ZC3H13: variants seen among roughly 807,000 people sequenced by gnomAD.
ZC3H13 encodes the protein zinc finger CCCH domain-containing protein 13.
A neutral mutation model predicts 204.1 loss-of-function variants in ZC3H13; 64 were observed. The ratio of observed to expected loss-of-function variants is 0.31; its 90% CI spans 0.26 to 0.39. ZC3H13 has a LOEUF of 0.39. ZC3H13 is among the 10% of genes least tolerant of loss of function. The pLI is 1.00. For missense variants in ZC3H13, 1,833 were observed against 2,082.7 expected, an observed-to-expected ratio of 0.88 and a Z score of 2.33; for synonymous variants, 667 against 693.7, an observed-to-expected ratio of 0.96 and a Z score of 0.60.
intron 4 of ZC3H13, among the ~76,000 whole-genome samples, chr13:46,023,531 T>C (rs539853308): frequency 5.3e-4 from 81 of 152,124 alleles, no homozygotes; most frequent in Non-Finnish European, 1.1e-3. Flanking sequence ...TACCCCAAAT[T>C]AATCTAGTCT....
At chr13:45,978,565 T>C (rs1021148949) in intron 11 of ZC3H13, among the ~76,000 whole-genome samples, 2 of 151,968 alleles carry the variant, frequency 1.3e-5, no homozygotes, top group Non-Finnish European at 2.9e-5. Flanking sequence ...CTTACAAGGA[T>C]ATTGTAAAGA....
intron 4 of ZC3H13, among the ~76,000 whole-genome samples, chr13:46,028,258 G>A (rs889304764): frequency 6.6e-6 from 1 of 152,058 alleles, no homozygotes; most frequent in Non-Finnish European, 1.5e-5. Flanking sequence ...TGATACAGAC[G>A]TCCAGTCTGC....
intron 11 of ZC3H13, among the ~76,000 whole-genome samples, chr13:45,976,809 G>T (rs1307136760): frequency 1.3e-5 from 2 of 152,042 alleles, no homozygotes; most frequent in Non-Finnish European, 2.9e-5. Context: ...TATATCTACT[G>T]GTTTTTGATA....
In ZC3H13 at chr13:46,010,509, T is replaced by TA. The variant is rs1296130161; in HGVS notation, c.589-5dup. ...ATCTAACCACTTCTGGTGAAACCTT[T>TA]AAAAAAATTCAGTAAGTCAATTCAG... On this transcript the variant is annotated splice_polypyrimidine_tract_variant and splice_region_variant and intron_variant, in intron 6 of 18. Coordinates refer to ENST00000679008, the MANE Select transcript of ZC3H13 (RefSeq NM_001330564.2). The TA allele has an allele frequency of 2.5e-6, 4 of 1,603,848 alleles. No individual in the cohort carries two copies. The highest frequency in any genetic ancestry group is 2.2e-5 in the South Asian group (2 of 90,702).
In ZC3H13 at chr13:46,019,053, A is replaced by G. The variant is rs553419011; in HGVS notation, c.448+1396T>C. ...TATTAGGTTGGATTATGAAATCCTG[A>G]GTAACCATAAACAAGTTTCCTATTT... On this transcript the variant is annotated intron_variant, in intron 5 of 18. Coordinates refer to ENST00000679008, the MANE Select transcript of ZC3H13 (RefSeq NM_001330564.2). Among the ~76,000 whole-genome samples the G allele has an allele frequency of 2.2e-4, 33 of 152,260 alleles. 1 individual carries two copies. The highest frequency in any genetic ancestry group is 6.7e-4 in the African/African-American group (28 of 41,556).
chr13:45,979,480 G>C (rs1355105696), intron 11 of ZC3H13, among the ~76,000 whole-genome samples: 1 of 151,934 alleles, frequency 6.6e-6, no homozygotes, highest in African/African-American at 2.4e-5. Context: ...TAAAGGTTTA[G>C]GTATTTCTTG....
At chr13:45,982,119 T>TC (rs1424769797) in intron 10 of ZC3H13, among the ~76,000 whole-genome samples, 2 of 150,806 alleles carry the variant, frequency 1.3e-5, no homozygotes, top group Non-Finnish European at 3.0e-5. Flanking sequence ...AAAAGGCACT[T>TC]CCCCAAGATT....
At chr13:45,973,421 A>G (rs1209747410) in intron 12 of ZC3H13, among the ~76,000 whole-genome samples, 1 of 152,176 alleles carries the variant, frequency 6.6e-6, no homozygotes, top group African/African-American at 2.4e-5. Context: ...CAACTCTTAG[A>G]TTGTCTAACC....
At chr13:45,996,093 T>C (rs1307261445) in intron 8 of ZC3H13, among the ~76,000 whole-genome samples, 5 of 152,220 alleles carry the variant, frequency 3.3e-5, no homozygotes, top group Non-Finnish European at 5.9e-5. Context: ...CTGATTATTA[T>C]CCAAGAAGAT....
At chr13:46,031,726 G>T (rs1027614513) in intron 4 of ZC3H13, among the ~76,000 whole-genome samples, 3 of 152,158 alleles carry the variant, frequency 2.0e-5, no homozygotes, top group African/African-American at 7.2e-5. Context: ...ACCACAAAGA[G>T]ATACCACTAC....
chr13:46,004,531 C>T (rs970110226), intron 7 of ZC3H13, among the ~76,000 whole-genome samples: 1 of 152,084 alleles, frequency 6.6e-6, no homozygotes, highest in Non-Finnish European at 1.5e-5. Flanking sequence ...CAGAGTAAGA[C>T]TCTAACTCAA....
At chr13:45,991,419 T>G (rs1314548441) in intron 8 of ZC3H13, among the ~76,000 whole-genome samples, 1 of 152,192 alleles carries the variant, frequency 6.6e-6, no homozygotes, top group African/African-American at 2.4e-5. Flanking sequence ...GCTTCAACTT[T>G]TTAATCATAT....
intron 15 of ZC3H13, among the ~76,000 whole-genome samples, chr13:45,966,739 G>A (rs1198859026): frequency 6.6e-6 from 1 of 152,194 alleles, no homozygotes; most frequent in African/African-American, 2.4e-5. Flanking sequence ...GTGAAGAGAT[G>A]AATTTGAAAC....
intron 4 of ZC3H13, among the ~76,000 whole-genome samples, chr13:46,022,493 C>T (rs1009790207): frequency 6.6e-6 from 1 of 151,858 alleles, no homozygotes; most frequent in African/African-American, 2.4e-5. Flanking sequence ...TGGTATTACT[C>T]GTCCAATGTA....
At chr13:45,973,816 G>A (rs1952789347) in intron 12 of ZC3H13, among the ~76,000 whole-genome samples, 1 of 152,100 alleles carries the variant, frequency 6.6e-6, no homozygotes, top group African/African-American at 2.4e-5. Flanking sequence ...GCCTCCATGT[G>A]TTAAAAAAGG....
intron 8 of ZC3H13, among the ~76,000 whole-genome samples, chr13:45,996,748 C>CAAAAAAAAA (rs79022953): frequency 2.0e-5 from 1 of 50,570 alleles, no homozygotes; most frequent in Non-Finnish European, 4.5e-5. Context: ...TGAATATGTA[C>CAAAAAAAAA]AAAAAAAAAA....
intron 4 of ZC3H13, among the ~76,000 whole-genome samples, chr13:46,021,598 C>T (rs2042223191): frequency 6.6e-6 from 1 of 151,846 alleles, no homozygotes; most frequent in Non-Finnish European, 1.5e-5. Context: ...CTAAATTCTA[C>T]ATATTTAGGC....
In ZC3H13 at chr13:45,963,971, C is replaced by A. The variant is rs201382067; in HGVS notation, c.4546G>T (p.Gly1516Trp). 2 of 1,614,130 alleles carry A rather than the reference C, an allele frequency of 1.2e-6. No homozygotes were observed. The highest frequency in any genetic ancestry group is 4.5e-5 in the East Asian group (2 of 44,874). ...PKHPKEPREP[G>W]AALLKFTPGA... ...GGTGTGAATTTTAAGAGTGCAGCCC[C>A]AGGCTCTCGTGGTTCTTTTGGATGC... The change falls in exon 17 of 19, where the codon GGG becomes TGG. Residue 1516 changes from glycine to tryptophan, a missense_variant. By Grantham distance (184) the Gly-to-Trp change is radical. Around this residue, in one of 5 missense-constraint regions of ZC3H13, gnomAD observed 211 missense variants for 228.4 expected, o/e 0.92. Coordinates refer to ENST00000679008, the MANE Select transcript of ZC3H13 (RefSeq NM_001330564.2).
Position 45,957,156 on chromosome 13 carries a change from T to C in ZC3H13, c.4981A>G (p.Ser1661Gly). 2 of 1,546,084 alleles carry C rather than the reference T, an allele frequency of 1.3e-6. No individual in the cohort carries two copies. Among genetic ancestry groups the C allele is most frequent in the Non-Finnish European group, 1.7e-6 (2 of 1,144,640 alleles). ...KTEDNKLSQS[S>G]IQQELCVS is the part of the protein sequence containing the mutation. ...GACACACACAGTTCCTGTTGGATAC[T>C]GGACTGTGAAAGTTTATTATCTTCA... Residue 1661 changes from serine (S) to glycine (G), a missense_variant, in exon 19 of 19, where the codon AGT (serine) becomes GGT (glycine). This residue lies in a region of ZC3H13 where 211 missense variants were observed against 228.4 expected (regional missense o/e 0.92). Coordinates refer to ENST00000679008, the MANE Select transcript of ZC3H13 (RefSeq NM_001330564.2).
Sources: gnomAD v4.1 joint callset for allele counts (sites outside exome capture counted in the v4.1 genomes callset) on GRCh38, gnomAD v4.1.1 for gene constraint, gnomAD v4.1.1 regional missense constraint, MANE v1.5 for transcripts, NCBI Gene and HGNC (gene_info 2026-07-23, HGNC 2026-07-21) for gene names.